The following DNAH7 variants were observed in gnomAD, a reference collection of about 807,000 sequenced individuals.
The protein encoded by DNAH7 is axonemal beta dynein heavy chain 7.
DNAH7 carries 397 observed loss-of-function variants against 444.6 expected under a neutral mutation model. That is an observed-to-expected ratio of 0.89 (90% CI 0.82 to 0.97). The LOEUF is 0.97. DNAH7 is among the 50% of genes least tolerant of loss of function. DNAH7 has a pLI of 0.00. For missense variants in DNAH7, 4,902 were observed against 4,800.8 expected (o/e 1.02, Z -0.62); for synonymous variants, 1,636 against 1,624.4 (o/e 1.01, Z -0.17).
chr2:196,048,451 A>C (rs2125854410), intron 3 of DNAH7, 47 bp from the exon 4 acceptor site: 1 of 1,540,960 alleles, frequency 6.5e-7, no homozygotes, highest in African/African-American at 1.4e-5. Context: ...ATCAGAAAAA[A>C]ACCTTTTTCC....
chr2:195,950,323 G>C (rs984153997), intron 19 of DNAH7, among the ~76,000 whole-genome samples: 1 of 152,062 alleles, frequency 6.6e-6, no homozygotes, highest in African/African-American at 2.4e-5. Context: ...CTTCTTCCTG[G>C]TTTAGTTTTG....
At chr2:195,760,641 T>C (rs182526413) in intron 61 of DNAH7, among the ~76,000 whole-genome samples, 1 of 152,256 alleles carries the variant, frequency 6.6e-6, no homozygotes, top group Admixed American at 6.5e-5. Flanking sequence ...CCTTGTAATT[T>C]AGAGAAGTCT....
At chr2:195,987,031 C>T (rs780410685) in intron 14 of DNAH7, 35 bp downstream of exon 14, 19 of 1,536,942 alleles carry the variant, frequency 1.2e-5, no homozygotes, top group Non-Finnish European at 2.6e-6. Context: ...AACATCCCCT[C>T]CCAAAAAATA....
chr2:195,823,855 T>TA (rs1486875355), intron 49 of DNAH7, among the ~76,000 whole-genome samples: 1 of 152,218 alleles, frequency 6.6e-6, no homozygotes, highest in Admixed American at 6.5e-5. Context: ...TTCTTTTAAG[T>TA]AATTACATAA....
In DNAH7 at chr2:195,858,601, T is replaced by G; in HGVS notation, c.7940A>C (p.Asp2647Ala). 1 of 1,614,048 alleles carries G rather than the reference T, an allele frequency of 6.2e-7. No individual in the cohort carries two copies. The highest frequency in any genetic ancestry group is 1.7e-5 in the Admixed American group (1 of 59,956). Residue 2647 changes from aspartate to alanine, a missense_variant, in exon 43 of 65, where the codon GAT becomes GCT. Asp to Ala is a moderately radical substitution (Grantham distance 126, BLOSUM62 -2). Transcript: ENST00000312428. ...VAKTEKIVKA[D>A]ETIANEQAMA... ...AGCTTGTTCATTCGCTATTGTTTCATCAGCTTTCACTATTTTTTCAGTTTT... is the reference window on the plus strand; with the variant it reads ...AGCTTGTTCATTCGCTATTGTTTCAGCAGCTTTCACTATTTTTTCAGTTTT...
At chr2:195,765,808 G>A (rs926090688) in intron 61 of DNAH7, among the ~76,000 whole-genome samples, 3 of 152,106 alleles carry the variant, frequency 2.0e-5, no homozygotes, top group African/African-American at 7.2e-5. Flanking sequence ...CCACTGTGGA[G>A]AACAGTTTGG....
chr2:195,898,021 T>G (rs1702434938), intron 28 of DNAH7, among the ~76,000 whole-genome samples: 1 of 152,222 alleles, frequency 6.6e-6, no homozygotes, highest in African/African-American at 2.4e-5. Flanking sequence ...AAAGAGGTAT[T>G]AACATGAATT....
chr2:195,845,038 G>A lies in DNAH7; in HGVS notation c.8909C>T (p.Ser2970Phe). 1.2e-6 allele frequency: 2 copies of A among 1,613,814 alleles called. No individual in the cohort carries two copies. The highest frequency in any genetic ancestry group is 8.5e-7 in the Non-Finnish European group (1 of 1,179,882). ...IRTWNIAGLPSDSFSIDNGII... is the reference protein window; with the variant it reads ...IRTWNIAGLPFDSFSIDNGII... ...CCCATTATCAATGGAAAATGAGTCA[G>A]AAGGTAATCCAGCAATATTCCAAGT... The change falls in exon 47 of 65, where the codon TCT becomes TTT. Residue 2970 changes from serine to phenylalanine, a missense_variant. Coordinates refer to ENST00000312428, the MANE Select transcript of DNAH7 (RefSeq NM_018897.3).
In DNAH7 at chr2:195,934,783, T is replaced by C. The variant is rs760673674; in HGVS notation, c.3279A>G (p.Gln1093=). 5.6e-6 allele frequency: 9 copies of C among 1,613,904 alleles called. No homozygotes were observed. In the Admixed American group the frequency reaches 6.7e-5, roughly 12 times the overall value. ...CTTCAAAACATTTCTTCAAGTGAGGTTGCACCCTGTCAGGAAAAACATTTT... is the reference window on the plus strand; with the variant it reads ...CTTCAAAACATTTCTTCAAGTGAGGCTGCACCCTGTCAGGAAAAACATTTT... ...LSETKDPTRV[Q]PHLKKCFEGI... is the part of the protein sequence containing the mutation. The change falls in exon 21 of 65, where the codon CAA becomes CAG. Residue 1093 remains glutamine, a synonymous_variant. Coordinates refer to ENST00000312428, the MANE Select transcript of DNAH7 (RefSeq NM_018897.3).
intron 60 of DNAH7, among the ~76,000 whole-genome samples, chr2:195,774,900 T>A (rs562943393): frequency 1.5e-3 from 233 of 152,352 alleles, no homozygotes; most frequent in Non-Finnish European, 2.9e-3. Context: ...CCTTAATTCA[T>A]CAAAATTTTA....
intron 31 of DNAH7, among the ~76,000 whole-genome samples, chr2:195,890,433 C>G (rs1479008366): frequency 2.0e-5 from 3 of 152,108 alleles, no homozygotes; most frequent in African/African-American, 7.2e-5. Flanking sequence ...ACTTAAACTC[C>G]CTGAGACTCA....
At chr2:195,863,961 T>C (rs1418522634) in intron 41 of DNAH7, among the ~76,000 whole-genome samples, 188 bp downstream of exon 41, 3 of 152,218 alleles carry the variant, frequency 2.0e-5, no homozygotes, top group Non-Finnish European at 2.9e-5. Context: ...AGTGATCACA[T>C]ATATTCTTAA....
In DNAH7 at chr2:195,888,818, T is replaced by G; in HGVS notation, c.5210A>C (p.Glu1737Ala). 6.2e-7 allele frequency: 1 copy of G among 1,612,458 alleles called. No homozygotes were observed. The highest frequency in any genetic ancestry group is 1.1e-5 in the South Asian group (1 of 90,340). Residue 1737 changes from glutamate (E) to alanine (A), a missense_variant, in exon 32 of 65, where the codon GAA becomes GCA. By Grantham distance (107) the Glu-to-Ala change is moderately radical. Transcript: ENST00000312428. ...MNLIFEPMDL[E>A]VASPATVSRC... Reference sequence around the variant, plus strand: ...ACTTACAGTGGCAGGGGAAGCAACTTCTAAATCCATTGGCTCAAAAATTAG... The same window carrying G: ...ACTTACAGTGGCAGGGGAAGCAACTGCTAAATCCATTGGCTCAAAAATTAG...
intron 36 of DNAH7, among the ~76,000 whole-genome samples, chr2:195,878,025 A>C (rs1701157636): frequency 6.6e-6 from 1 of 152,222 alleles, no homozygotes; most frequent in African/African-American, 2.4e-5. Context: ...AGATTATTTC[A>C]AGAGGAATAA....
In DNAH7 at chr2:196,026,804, T is replaced by C. The variant is rs778140194; in HGVS notation, c.623A>G (p.Asp208Gly). 6.2e-7 allele frequency: 1 copy of C among 1,612,510 alleles called. No individual in the cohort carries two copies. The highest frequency in any genetic ancestry group is 1.3e-5 in the African/African-American group (1 of 75,012). ...AAGAAGATAATCCTCTCTCATTTCA[T>C]CAGATAATGTAACTATGCTGTCAGT... ...VFTDSIVTLSDEMREDYLLSV... is the reference protein window; with the variant it reads ...VFTDSIVTLSGEMREDYLLSV... The change falls in exon 7 of 65, where the codon GAT (aspartate) becomes GGT (glycine). Residue 208 changes from aspartate to glycine, a missense_variant. Asp to Gly is a moderately conservative substitution (Grantham distance 94, BLOSUM62 -1). Transcript: ENST00000312428.
At chr2:195,745,605 C>G (rs371408232) in intron 63 of DNAH7, among the ~76,000 whole-genome samples, 77 of 152,264 alleles carry the variant, frequency 5.1e-4, no homozygotes, top group Middle Eastern at 3.4e-3. Context: ...CAGCCAGAGA[C>G]AAAGGTCGGG....
chr2:195,997,900 T>TGGGGCAA (rs1030489348), intron 12 of DNAH7, among the ~76,000 whole-genome samples: 2 of 152,166 alleles, frequency 1.3e-5, no homozygotes, highest in African/African-American at 4.8e-5. Flanking sequence ...TCTGTATCTC[T>TGGGGCAA]GGGGCAAGGG....
intron 8 of DNAH7, among the ~76,000 whole-genome samples, chr2:196,020,842 C>G (rs1695336513): frequency 6.6e-6 from 1 of 152,114 alleles, no homozygotes. Context: ...AAACACCTGA[C>G]CTCAAGTGAT....
intron 28 of DNAH7, among the ~76,000 whole-genome samples, chr2:195,899,271 T>A (rs1456252331): frequency 2.0e-5 from 3 of 152,218 alleles, no homozygotes; most frequent in Admixed American, 1.3e-4. Flanking sequence ...TTCAAAATAT[T>A]CAGGCCAGAA....
Sources: gnomAD v4.1 joint callset for allele counts (sites outside exome capture counted in the v4.1 genomes callset) on GRCh38, gnomAD v4.1.1 for gene constraint, MANE v1.5 for transcripts, NCBI Gene and HGNC (gene_info 2026-07-23, HGNC 2026-07-21) for gene names.